MTHFD1: variants seen among roughly 807,000 people sequenced by gnomAD.
MTHFD1 encodes the protein methylenetetrahydrofolate dehydrogenase, cyclohydrolase and formyltetrahydrofolate synthetase 1, also known as C-1-tetrahydrofolate synthase, cytoplasmic.
A neutral mutation model predicts 110.3 loss-of-function variants in MTHFD1; 44 were observed. The ratio of observed to expected loss-of-function variants is 0.40; its 90% CI spans 0.31 to 0.51. MTHFD1 has a LOEUF of 0.51. Among genes scored for constraint, MTHFD1 ranks in the 20% least tolerant of loss-of-function variants. MTHFD1 has a pLI of 0.60. For synonymous variants in MTHFD1, 402 were observed against 428.8 expected (o/e 0.94, Z 0.77); for missense variants, 909 against 1,173.1 (o/e 0.77, Z 3.29).
At chr14:64,406,922 T>C (rs1177620754) in intron 2 of MTHFD1, among the ~76,000 whole-genome samples, 1 of 152,182 alleles carries the variant, frequency 6.6e-6, no homozygotes, top group African/African-American at 2.4e-5. Flanking sequence ...CTCAAAGATC[T>C]TGGGTAGCTT....
intron 2 of MTHFD1, among the ~76,000 whole-genome samples, chr14:64,410,666 G>T (rs78530590): frequency 1.3e-5 from 2 of 152,128 alleles, no homozygotes; most frequent in African/African-American, 2.4e-5. Flanking sequence ...CCCTGCGGGT[G>T]GGGGAGAGGG....
intron 23 of MTHFD1, chr14:64,449,098 C>T: frequency 2.8e-6 from 1 of 361,320 alleles, no homozygotes; most frequent in Non-Finnish European, 5.4e-6. Context: ...CGCGCCCAGC[C>T]AGCAAAATTC....
At chr14:64,405,460 A>G (rs887543563) in intron 2 of MTHFD1, among the ~76,000 whole-genome samples, 5 of 152,182 alleles carry the variant, frequency 3.3e-5, no homozygotes, top group Non-Finnish European at 7.3e-5. Context: ...CAAGGTTTAT[A>G]TAATATGTTG....
At chr14:64,396,388 GGT>G (rs1491472557) in intron 1 of MTHFD1, among the ~76,000 whole-genome samples, 7 of 110,744 alleles carry the variant, frequency 6.3e-5, no homozygotes, top group Middle Eastern at 6.9e-3. Context: ...ATTTTTTGAA[GGT>G]TTTTTTTTTT....
chr14:64,457,058 A>G (rs2078486617), intron 26 of MTHFD1, among the ~76,000 whole-genome samples: 1 of 152,238 alleles, frequency 6.6e-6, no homozygotes, highest in Non-Finnish European at 1.5e-5. Flanking sequence ...GAGTACAAAT[A>G]TAATTTGTAA....
At chr14:64,429,332 T>TTG (rs113828069) in intron 12 of MTHFD1, among the ~76,000 whole-genome samples, 8,794 of 146,422 alleles carry the variant, frequency 0.06, 494 homozygotes, top group African/African-American at 0.15. Flanking sequence ...GTTTGTTTGT[T>TTG]TTTTTTGAGA....
rs777057784 is a variant in MTHFD1 at position 64,425,722 on chromosome 14, T to C, written c.856-8T>C. 2 of 1,609,774 alleles carry C rather than the reference T, an allele frequency of 1.2e-6. No individual in the cohort carries two copies. The highest frequency in any genetic ancestry group is 1.7e-6 in the Non-Finnish European group (2 of 1,177,582). On this transcript the variant is annotated splice_region_variant and splice_polypyrimidine_tract_variant and intron_variant, in intron 9 of 27. Transcript: ENST00000652337. ...TCTTCTAAGTTTCATTTATTTCATT[T>C]TGCTTAGAGCACAGTAGAGAGTGCC...
intron 21 of MTHFD1, 32 bp from the exon 22 acceptor site, chr14:64,444,661 A>G: frequency 6.2e-7 from 1 of 1,613,822 alleles, no homozygotes; most frequent in Non-Finnish European, 8.5e-7. Context: ...TTAAATAGGA[A>G]ATGCCTCTGA....
rs2077989251 is a variant in MTHFD1 at position 64,412,012 on chromosome 14, T to C, written c.187-460T>C. Among the ~76,000 whole-genome samples the C allele has an allele frequency of 2.0e-5, 3 of 152,048 alleles. No individual in the cohort carries two copies. In the South Asian group the frequency reaches 6.2e-4, roughly 32 times the overall value. On this transcript the variant is annotated intron_variant, in intron 3 of 27. Transcript: ENST00000652337. ...GGGCAGGGGAAAAATCAGATATACA[T>C]TTGTGTCTGGTGGGCTGGGGGGATT...
rs2078275020 is a variant in MTHFD1 at position 64,444,515 on chromosome 14, TTTG to T, written c.2137-175_2137-173del. Among the ~76,000 whole-genome samples the T allele has an allele frequency of 2.6e-5, 4 of 152,130 alleles. 1 individual carries two copies. In the South Asian group the frequency reaches 8.3e-4, roughly 32 times the overall value. On this transcript the variant is annotated intron_variant, in intron 21 of 27. Transcript: ENST00000652337. Reference sequence around the variant, plus strand: ...TTCCACGCTGCCCAAAGCAGTCGATTTTGTTCTGTGCTGTGTGATTGGTCACAT... The same window carrying T: ...TTCCACGCTGCCCAAAGCAGTCGATTTTCTGTGCTGTGTGATTGGTCACAT...
chr14:64,455,004 T>C (rs1436291574), intron 26 of MTHFD1, 129 bp downstream of exon 26: 2 of 921,164 alleles, frequency 2.2e-6, no homozygotes, highest in Non-Finnish European at 3.6e-6. Context: ...ATCGGGCCTA[T>C]TATGATTGCT....
intron 25 of MTHFD1, 60 bp downstream of exon 25, chr14:64,453,921 T>C (rs2078420847): frequency 9.4e-7 from 1 of 1,065,030 alleles, no homozygotes; most frequent in South Asian, 1.3e-5. Context: ...GGAGTCACAA[T>C]CTCTGGGTCC....
intron 2 of MTHFD1, among the ~76,000 whole-genome samples, chr14:64,402,781 C>T (rs2077907807): frequency 8.0e-5 from 3 of 37,300 alleles, no homozygotes; most frequent in African/African-American, 3.2e-4. Flanking sequence ...TGTACTCCAG[C>T]TTAGGTGACA....
At chr14:64,448,408 A>T in intron 23 of MTHFD1, 91 bp downstream of exon 23, 1 of 1,012,046 alleles carries the variant, frequency 9.9e-7, no homozygotes, top group Admixed American at 1.9e-5. Flanking sequence ...TTTGTTTTTC[A>T]GTTACTGCTA....
intron 24 of MTHFD1, among the ~76,000 whole-genome samples, chr14:64,451,104 C>A (rs901998213): frequency 6.6e-6 from 1 of 151,980 alleles, no homozygotes; most frequent in African/African-American, 2.4e-5. Flanking sequence ...GGGAGGCGGA[C>A]GTTGCAATGA....
intron 25 of MTHFD1, among the ~76,000 whole-genome samples, chr14:64,454,344 C>T (rs563519431): frequency 2.0e-5 from 3 of 152,272 alleles, no homozygotes; most frequent in African/African-American, 7.2e-5. Flanking sequence ...AACTCCTGGG[C>T]TCAAGCAGTC....
chr14:64,458,823 C>CA (rs2078517532), intron 27 of MTHFD1, among the ~76,000 whole-genome samples: 1 of 152,190 alleles, frequency 6.6e-6, no homozygotes, highest in Non-Finnish European at 1.5e-5. Flanking sequence ...CAATGAGTGA[C>CA]ATTGCATTGT....
At chr14:64,423,988 A>G (rs1596543439) in intron 8 of MTHFD1, among the ~76,000 whole-genome samples, 1 of 152,038 alleles carries the variant, frequency 6.6e-6, no homozygotes, top group East Asian at 1.9e-4. Context: ...CGGCCTCCCA[A>G]AGTGCCTGCT....
In MTHFD1 at chr14:64,425,062, G is replaced by A. The variant is rs942777263; in HGVS notation, c.855+131G>A. ...GTGAATTTATTGAGAAAAAGGGAAG[G>A]GAAGAATAGAGAAATAAGATCAGGC... On this transcript the variant is annotated intron_variant, in intron 9 of 27. Transcript: ENST00000652337. The A allele has an allele frequency of 7.5e-5, 87 of 1,153,212 alleles. No individual in the cohort carries two copies. In the East Asian group the frequency reaches 1.9e-3, roughly 25 times the overall value. 71.4% of individuals were successfully genotyped at this position (1,153,212 alleles called of 1,614,324 possible).
Sources: allele counts gnomAD v4.1 joint callset (sites outside exome capture counted in the v4.1 genomes callset), GRCh38; gene constraint gnomAD v4.1.1; transcripts MANE v1.5; gene names NCBI Gene and HGNC (gene_info 2026-07-23, HGNC 2026-07-21).